TSEN2: variants seen among roughly 807,000 people sequenced by gnomAD.
The protein encoded by TSEN2 is tRNA-splicing endonuclease subunit Sen2.
In TSEN2, 54 loss-of-function variants were observed where a neutral mutation model predicts 59.2. The observed-to-expected ratio is 0.91, with a 90% CI of 0.73 to 1.14. The LOEUF (loss-of-function observed/expected upper bound fraction) is 1.14. TSEN2 is among the 50% of genes most tolerant of loss of function. The pLI is 0.00. For missense variants in TSEN2, 636 were observed against 576.2 expected (o/e 1.10, Z -1.06); for synonymous variants, 195 against 198.2 (o/e 0.98, Z 0.14).
At chr3:12,518,218 G>A (rs563126777) in intron 7 of TSEN2, among the ~76,000 whole-genome samples, 17 of 152,278 alleles carry the variant, frequency 1.1e-4, no homozygotes, top group African/African-American at 3.8e-4. Context: ...ATTAGTTTGT[G>A]CCATCAGATA....
At chr3:12,486,720 A>G (rs1010368978) in intron 1 of TSEN2, among the ~76,000 whole-genome samples, 31 of 151,788 alleles carry the variant, frequency 2.0e-4, no homozygotes, top group Middle Eastern at 3.4e-3. Flanking sequence ...TCGCCCCCCC[A>G]TTTCCCACTT....
intron 3 of TSEN2, among the ~76,000 whole-genome samples, chr3:12,492,420 A>T (rs527963291): frequency 8.5e-5 from 13 of 152,332 alleles, no homozygotes; most frequent in African/African-American, 2.9e-4. Flanking sequence ...TAGAATTATC[A>T]AGTGTTAATT....
chr3:12,539,525 C>G (rs2057761663), exon 11 of TSEN2: 2 of 168,540 alleles, frequency 1.2e-5, no homozygotes, highest in South Asian at 2.7e-4. Context: ...CTTCACATCC[C>G]CACTTTCTGT....
At chr3:12,529,626 A>C in intron 9 of TSEN2, 136 bp from the exon 10 acceptor site, 1 of 767,176 alleles carries the variant, frequency 1.3e-6, no homozygotes, top group Non-Finnish European at 2.1e-6. Context: ...TATTTTCTCA[A>C]TAGCAATTTA....
intron 8 of TSEN2, among the ~76,000 whole-genome samples, chr3:12,520,660 G>A (rs955540790): frequency 2.0e-5 from 3 of 151,918 alleles, no homozygotes; most frequent in African/African-American, 7.3e-5. Flanking sequence ...CGTGGTAGCA[G>A]GCACTTGTAA....
At chr3:12,511,963 G>A (rs2055518146) in intron 6 of TSEN2, among the ~76,000 whole-genome samples, 1 of 152,158 alleles carries the variant, frequency 6.6e-6, no homozygotes, top group African/African-American at 2.4e-5. Context: ...AAAGACAAAG[G>A]CAAAATTACA....
chr3:12,521,247 G>A (rs528472163), intron 8 of TSEN2, among the ~76,000 whole-genome samples: 1 of 152,328 alleles, frequency 6.6e-6, no homozygotes, highest in African/African-American at 2.4e-5. Context: ...ACTGTTTGAG[G>A]CATCAAGAAT....
At chr3:12,523,534 T>C (rs2056834828) in intron 8 of TSEN2, among the ~76,000 whole-genome samples, 3 of 131,334 alleles carry the variant, frequency 2.3e-5, no homozygotes, top group Non-Finnish European at 4.9e-5. Context: ...TTCTTTTTTT[T>C]TTTTTTTTTT....
intron 9 of TSEN2, among the ~76,000 whole-genome samples, chr3:12,529,273 TG>T (rs2125242825): frequency 6.6e-6 from 1 of 152,240 alleles, no homozygotes; most frequent in Admixed American, 6.5e-5. Flanking sequence ...AAGACCAACC[TG>T]GCCAAGATAG....
Position 12,523,526 on chromosome 3 carries a change from C to CTTT in TSEN2, c.1099+4352_1099+4354dup, listed in dbSNP as rs546904336. On this transcript the variant is annotated intron_variant, in intron 8 of 11. Transcript: ENST00000284995. ...CTTCTCCTCATCTTCCTCTTTGATTCTTTTTTTTTTTTTTTTTTTTTTTTT... is the reference window on the plus strand; with the variant it reads ...CTTCTCCTCATCTTCCTCTTTGATTCTTTTTTTTTTTTTTTTTTTTTTTTTTTT... 6.1e-3 allele frequency among the ~76,000 whole-genome samples: 284 copies of CTTT among 46,456 alleles called. 24 individuals are homozygous for CTTT. The highest frequency in any genetic ancestry group is 0.011 in the African/African-American group (137 of 12,662). 30.5% of individuals were successfully genotyped at this position (46,456 alleles called of 152,430 possible).
intron 7 of TSEN2, among the ~76,000 whole-genome samples, chr3:12,517,310 A>G (rs1464908340): frequency 4.3e-5 from 6 of 138,144 alleles, no homozygotes; most frequent in African/African-American, 8.7e-5. Context: ...ATGAGCCGAG[A>G]TAGCGCCACT....
At chr3:12,504,899 G>C (rs2054650812) in intron 5 of TSEN2, among the ~76,000 whole-genome samples, 1 of 152,130 alleles carries the variant, frequency 6.6e-6, no homozygotes, top group Non-Finnish European at 1.5e-5. Flanking sequence ...TACTGGGAAG[G>C]CTGAGGCAGA....
intron 2 of TSEN2, among the ~76,000 whole-genome samples, chr3:12,490,656 A>C (rs2053126352): frequency 6.6e-6 from 1 of 152,236 alleles, no homozygotes; most frequent in African/African-American, 2.4e-5. Context: ...CAATTCAGTG[A>C]TTGTCATAAA....
intron 8 of TSEN2, among the ~76,000 whole-genome samples, chr3:12,523,283 T>C (rs1183371314): frequency 6.6e-6 from 1 of 152,140 alleles, no homozygotes; most frequent in Non-Finnish European, 1.5e-5. Context: ...GGGATTTGCA[T>C]TGACTGATAA....
intron 4 of TSEN2, among the ~76,000 whole-genome samples, chr3:12,498,461 C>T (rs1167621337): frequency 1.3e-5 from 2 of 152,160 alleles, no homozygotes; most frequent in African/African-American, 4.8e-5. Flanking sequence ...CTTCAATTCT[C>T]CTCTAGTCTA....
chr3:12,519,133 C>T lies in TSEN2; in HGVS notation c.1035C>T (p.Ala345=), dbSNP rs778228259. ...CCACGTTCAGAACCACCTACATGGC[C>T]TACCATTACTTTCGAAGCAAGGGCT... The part of the protein sequence containing the change: ...VQPTFRTTYM[A]YHYFRSKGWV... Residue 345 remains alanine, a synonymous_variant, in exon 8 of 12, where the codon GCC becomes GCT. Transcript: ENST00000284995. The T allele has an allele frequency of 3.1e-6, 5 of 1,614,214 alleles. No homozygotes were observed. In the Admixed American group the frequency reaches 8.3e-5, roughly 27 times the overall value.
chr3:12,514,081 G>A (rs77994156), intron 6 of TSEN2, among the ~76,000 whole-genome samples: 2,173 of 152,312 alleles, frequency 0.014, 55 homozygotes, highest in African/African-American at 0.047. Flanking sequence ...CATTCTAGTC[G>A]GAGGAACACA....
chr3:12,511,006 C>T (rs1281229936), intron 6 of TSEN2: 1 of 152,126 alleles, frequency 6.6e-6, no homozygotes, highest in East Asian at 1.9e-4. Flanking sequence ...CTTTGAGGAT[C>T]AGGTTTTGTT....
At chr3:12,491,151 T>C (rs1204969935) in intron 2 of TSEN2, among the ~76,000 whole-genome samples, 1 of 152,056 alleles carries the variant, frequency 6.6e-6, no homozygotes, top group Non-Finnish European at 1.5e-5. Flanking sequence ...CCACCATGCC[T>C]GGCTAATTTT....
Sources: allele counts gnomAD v4.1 joint callset (sites outside exome capture counted in the v4.1 genomes callset), GRCh38; gene constraint gnomAD v4.1.1; transcripts MANE v1.5; gene names NCBI Gene and HGNC (gene_info 2026-07-23, HGNC 2026-07-21).